The following GRID2 variants were observed in gnomAD, a reference collection of about 807,000 sequenced individuals.
GRID2 encodes glutamate receptor ionotropic, delta-2.
A neutral mutation model predicts 114.8 loss-of-function variants in GRID2; 33 were observed. The observed-to-expected ratio is 0.29, with a 90% CI of 0.22 to 0.38. The LOEUF (loss-of-function observed/expected upper bound fraction) is 0.38, where lower values mean the gene tolerates loss of function less well. GRID2 is among the 10% of genes least tolerant of loss of function. The pLI is 1.00. For missense variants in GRID2, 1,184 were observed against 1,257.7 expected, an observed-to-expected ratio of 0.94 and a Z score of 0.89; for synonymous variants, 505 against 449.9, an observed-to-expected ratio of 1.12 and a Z score of -1.55.
In GRID2 at chr4:92,304,731, G is replaced by C. The variant is rs771876248; in HGVS notation, c.75G>C (p.Ser25=). 1.9e-6 allele frequency: 3 copies of C among 1,610,134 alleles called. No individual in the cohort carries two copies. Among genetic ancestry groups the C allele is most frequent in the East Asian group, 4.5e-5 (2 of 44,854 alleles). Residue 25 remains serine, a synonymous_variant, in exon 1 of 16, where the codon TCG becomes TCC. Transcript: ENST00000282020. ...SRTWDSANAD[S]IIHIGAIFDE... ...CCTGGGACTCGGCGAATGCGGATTC[G>C]ATCATTCACATCGGTAAGAAAGTGT...
rs530294384 is a variant in GRID2, at chr4:92,499,144, C to A, written c.89-90987C>A. 2.2e-4 allele frequency among the ~76,000 whole-genome samples: 33 copies of A among 151,762 alleles called. No homozygotes were observed. The East Asian group carries it at 3.1e-3, about 14-fold the overall frequency. Reference sequence around the variant, plus strand: ...ACTACCTGTTTTCTTTACATTTTTCCTTTTTTCTTATTTTTATTTGATGAA... The same window carrying A: ...ACTACCTGTTTTCTTTACATTTTTCATTTTTTCTTATTTTTATTTGATGAA... On this transcript the variant is annotated intron_variant, in intron 1 of 15. Coordinates refer to ENST00000282020, the MANE Select transcript of GRID2 (RefSeq NM_001510.4).
intron 2 of GRID2, among the ~76,000 whole-genome samples, chr4:92,798,391 G>A (rs953137190): frequency 6.6e-6 from 1 of 151,998 alleles, no homozygotes; most frequent in Non-Finnish European, 1.5e-5. Flanking sequence ...GCTAAATATG[G>A]CTCTAGGATT....
At chr4:93,462,423 A>G (rs1723834803) in intron 11 of GRID2, among the ~76,000 whole-genome samples, 1 of 152,200 alleles carries the variant, frequency 6.6e-6, no homozygotes, top group South Asian at 2.1e-4. Flanking sequence ...CTAATGATGA[A>G]TAGAAAGTGT....
chr4:93,188,893 T>A (rs993206855), intron 4 of GRID2, among the ~76,000 whole-genome samples: 1 of 152,144 alleles, frequency 6.6e-6, no homozygotes, highest in Non-Finnish European at 1.5e-5. Flanking sequence ...CAATGACATG[T>A]TTCTCATTTC....
At chr4:92,864,833 G>A (rs187937412) in intron 2 of GRID2, among the ~76,000 whole-genome samples, 24 of 152,214 alleles carry the variant, frequency 1.6e-4, no homozygotes, top group African/African-American at 2.4e-4. Context: ...CCTGTATCAC[G>A]GAACATAAAT....
chr4:92,837,780 A>G (rs190791722), intron 2 of GRID2, among the ~76,000 whole-genome samples: 56 of 152,202 alleles, frequency 3.7e-4, no homozygotes, highest in Non-Finnish European at 7.1e-4. Context: ...CTCATCACAT[A>G]TTTAATTGCA....
intron 2 of GRID2, among the ~76,000 whole-genome samples, chr4:92,614,191 T>A (rs1358644349): frequency 6.6e-6 from 1 of 151,610 alleles, no homozygotes; most frequent in Non-Finnish European, 1.5e-5. Flanking sequence ...CTGCCTCCTC[T>A]CTACACGTTC....
At chr4:92,615,242 T>C (rs541139800) in intron 2 of GRID2, among the ~76,000 whole-genome samples, 1 of 151,604 alleles carries the variant, frequency 6.6e-6, no homozygotes, top group Non-Finnish European at 1.5e-5. Flanking sequence ...ACACAAAGCA[T>C]GAAAACCCAA....
At chr4:92,962,739 C>T (rs1329017789) in intron 2 of GRID2, among the ~76,000 whole-genome samples, 4 of 151,924 alleles carry the variant, frequency 2.6e-5, no homozygotes, top group South Asian at 2.1e-4. Context: ...TATGGGCACC[C>T]GCCTATGACT....
chr4:92,962,752 A>G (rs924426535), intron 2 of GRID2, among the ~76,000 whole-genome samples: 1 of 151,950 alleles, frequency 6.6e-6, no homozygotes, highest in Middle Eastern at 3.2e-3. Context: ...CTATGACTAG[A>G]TCCCCCTAGA....
At chr4:92,509,195 G>A (rs1451426459) in intron 1 of GRID2, among the ~76,000 whole-genome samples, 2 of 151,950 alleles carry the variant, frequency 1.3e-5, no homozygotes, top group African/African-American at 2.4e-5. Flanking sequence ...TATAAATGAC[G>A]ATATTATTAA....
At chr4:92,614,429 T>G (rs1729904763) in intron 2 of GRID2, among the ~76,000 whole-genome samples, 1 of 151,654 alleles carries the variant, frequency 6.6e-6, no homozygotes, top group Non-Finnish European at 1.5e-5. Flanking sequence ...GTATTTCTGC[T>G]TTTATTCAGT....
chr4:93,398,436 G>T (rs1447303409), intron 9 of GRID2, among the ~76,000 whole-genome samples: 1 of 151,418 alleles, frequency 6.6e-6, no homozygotes, highest in African/African-American at 2.4e-5. Context: ...ACTGTCTCCA[G>T]TCCTACTGTG....
chr4:92,947,045 T>C (rs1751691498), intron 2 of GRID2, among the ~76,000 whole-genome samples: 1 of 152,072 alleles, frequency 6.6e-6, no homozygotes, highest in Admixed American at 6.6e-5. Flanking sequence ...TGTATAATTA[T>C]GACATGCTAA....
intron 9 of GRID2, among the ~76,000 whole-genome samples, chr4:93,399,032 G>A (rs1327575995): frequency 6.6e-6 from 1 of 151,684 alleles, no homozygotes; most frequent in African/African-American, 2.4e-5. Context: ...ACCCCACCCA[G>A]CAACTCCCGA....
At chr4:92,777,182 A>T (rs572274512) in intron 2 of GRID2, among the ~76,000 whole-genome samples, 1 of 151,592 alleles carries the variant, frequency 6.6e-6, no homozygotes, top group East Asian at 1.9e-4. Context: ...TCAGTTTTAG[A>T]GCTCTGTGGT....
At chr4:92,338,164 C>T (rs1427880421) in intron 1 of GRID2, among the ~76,000 whole-genome samples, 1 of 152,004 alleles carries the variant, frequency 6.6e-6, no homozygotes, top group Non-Finnish European at 1.5e-5. Context: ...AGAGAAAAAA[C>T]AAAAGCACAA....
At chr4:93,601,697 T>A (rs1366650324) in intron 13 of GRID2, among the ~76,000 whole-genome samples, 1 of 152,220 alleles carries the variant, frequency 6.6e-6, no homozygotes, top group African/African-American at 2.4e-5. Flanking sequence ...ATTTCTATTC[T>A]TCCTTTGTTC....
chr4:93,262,054 A>C (rs1487910360), intron 8 of GRID2, among the ~76,000 whole-genome samples: 3 of 151,490 alleles, frequency 2.0e-5, no homozygotes, highest in Admixed American at 6.6e-5. Context: ...TTGGAGAAAT[A>C]AAATATGTAT....
Sources: gnomAD v4.1 joint callset for allele counts (sites outside exome capture counted in the v4.1 genomes callset) on GRCh38, gnomAD v4.1.1 for gene constraint, MANE v1.5 for transcripts, NCBI Gene and HGNC (gene_info 2026-07-23, HGNC 2026-07-21) for gene names.